The following KCNJ6 variants were observed in gnomAD, a reference collection of about 807,000 sequenced individuals.
The protein encoded by KCNJ6 is potassium inwardly rectifying channel subfamily J member 6.
KCNJ6 carries 9 observed loss-of-function variants against 34.2 expected under a neutral mutation model. The observed-to-expected ratio is 0.26, with a 90% CI of 0.16 to 0.46. The LOEUF is 0.46. KCNJ6 is among the 20% of genes least tolerant of loss of function. KCNJ6 has a pLI of 1.00. For synonymous variants in KCNJ6, 196 were observed against 207.1 expected (o/e 0.95, Z 0.46); for missense variants, 236 against 531.3 (o/e 0.44, Z 5.46).
intron 3 of KCNJ6, among the ~76,000 whole-genome samples, chr21:37,629,189 T>C (rs2054323473): frequency 2.0e-5 from 3 of 152,174 alleles, no homozygotes; most frequent in Admixed American, 6.5e-5. Context: ...TAGGTAAATA[T>C]AAATGTTTTT....
At chr21:37,897,890 T>C (rs900897598) in intron 1 of KCNJ6, among the ~76,000 whole-genome samples, 4 of 152,226 alleles carry the variant, frequency 2.6e-5, no homozygotes, top group African/African-American at 9.6e-5. Context: ...CCCAGTGGGA[T>C]CCAACCCCTA....
At chr21:37,791,314 T>C (rs966416262) in intron 2 of KCNJ6, among the ~76,000 whole-genome samples, 4 of 152,256 alleles carry the variant, frequency 2.6e-5, no homozygotes, top group Non-Finnish European at 4.4e-5. Flanking sequence ...GTCTCTGACC[T>C]GGGGTTTGTG....
At chr21:37,835,498 A>T (rs1345965196) in intron 2 of KCNJ6, among the ~76,000 whole-genome samples, 1 of 152,228 alleles carries the variant, frequency 6.6e-6, no homozygotes, top group Non-Finnish European at 1.5e-5. Context: ...GTCAGCAGAC[A>T]ATGACCATGA....
intron 1 of KCNJ6, among the ~76,000 whole-genome samples, chr21:37,893,139 C>T (rs755339710): frequency 6.6e-6 from 1 of 151,832 alleles, no homozygotes; most frequent in South Asian, 2.1e-4. Flanking sequence ...CAGCCTTGAG[C>T]CACCGCACCC....
intron 3 of KCNJ6, among the ~76,000 whole-genome samples, chr21:37,682,287 C>T (rs2054594093): frequency 6.6e-6 from 1 of 152,204 alleles, no homozygotes; most frequent in Non-Finnish European, 1.5e-5. Context: ...CTTCTTCTGG[C>T]TTCTCAGGGA....
chr21:37,883,468 A>C (rs1488904733), intron 1 of KCNJ6, among the ~76,000 whole-genome samples: 2 of 152,152 alleles, frequency 1.3e-5, no homozygotes, highest in African/African-American at 4.8e-5. Flanking sequence ...ACTAGCATGC[A>C]TGCTTCATGT....
intron 3 of KCNJ6, among the ~76,000 whole-genome samples, chr21:37,639,625 T>A (rs2054372465): frequency 6.6e-6 from 1 of 152,206 alleles, no homozygotes; most frequent in Admixed American, 6.5e-5. Context: ...CTCATTCCCA[T>A]CCTAAACTCC....
chr21:37,827,941 G>A (rs185516879), intron 2 of KCNJ6, among the ~76,000 whole-genome samples: 1 of 152,212 alleles, frequency 6.6e-6, no homozygotes, highest in East Asian at 1.9e-4. Flanking sequence ...GCAGAAACTC[G>A]GACCAGAGGG....
intron 2 of KCNJ6, among the ~76,000 whole-genome samples, chr21:37,784,999 G>A (rs563308527): frequency 1.2e-3 from 180 of 152,294 alleles, no homozygotes; most frequent in African/African-American, 3.9e-3. Context: ...CCCCAGACTC[G>A]TGTCTGCCTG....
At chr21:37,700,944 A>T (rs1184715619) in intron 3 of KCNJ6, among the ~76,000 whole-genome samples, 1 of 152,184 alleles carries the variant, frequency 6.6e-6, no homozygotes, top group Non-Finnish European at 1.5e-5. Flanking sequence ...GGAAGAGCAC[A>T]AGATGACGGC....
chr21:37,637,655 T>A lies in KCNJ6; in HGVS notation c.947-12171A>T, dbSNP rs935931941. On this transcript the variant is annotated intron_variant, in intron 3 of 3. Coordinates refer to ENST00000609713, the MANE Select transcript of KCNJ6 (RefSeq NM_002240.5). ...GATTAAGTAACTTCTCTGGGTCACA[T>A]AGTGCTGTGGATTGAATATCATGCC... is the stretch of plus-strand genomic sequence containing the variant. 5.3e-5 allele frequency among the ~76,000 whole-genome samples: 8 copies of A among 152,308 alleles called. No individual in the cohort carries two copies. The South Asian group carries it at 1.7e-3, about 32-fold the overall frequency.
chr21:37,787,132 G>A (rs1374145118), intron 2 of KCNJ6, among the ~76,000 whole-genome samples: 1 of 152,028 alleles, frequency 6.6e-6, no homozygotes, highest in Non-Finnish European at 1.5e-5. Context: ...TCAGAAAATA[G>A]TTTAAAAAAA....
At chr21:37,710,900 G>A (rs991561614) in intron 3 of KCNJ6, among the ~76,000 whole-genome samples, 3 of 152,216 alleles carry the variant, frequency 2.0e-5, no homozygotes, top group Admixed American at 1.3e-4. Context: ...AGATGTCTGA[G>A]TGGCTGGTGT....
At chr21:37,735,024 T>C (rs922137408) in intron 2 of KCNJ6, among the ~76,000 whole-genome samples, 1 of 152,024 alleles carries the variant, frequency 6.6e-6, no homozygotes, top group African/African-American at 2.4e-5. Context: ...GCCCAGCATG[T>C]CCCCGTTTCC....
intron 2 of KCNJ6, among the ~76,000 whole-genome samples, chr21:37,727,900 A>ACAG (rs1413375053): frequency 6.6e-6 from 1 of 152,162 alleles, no homozygotes; most frequent in Non-Finnish European, 1.5e-5. Flanking sequence ...TCTAGCAACA[A>ACAG]CAACAACAAC....
intron 2 of KCNJ6, among the ~76,000 whole-genome samples, chr21:37,786,032 C>A (rs1389684662): frequency 2.0e-5 from 3 of 152,206 alleles, no homozygotes; most frequent in Admixed American, 1.3e-4. Flanking sequence ...ATCCGTCCCC[C>A]AGTCTAAAAT....
intron 2 of KCNJ6, among the ~76,000 whole-genome samples, chr21:37,733,647 A>C (rs567371674): frequency 6.6e-6 from 1 of 152,218 alleles, no homozygotes; most frequent in African/African-American, 2.4e-5. Context: ...TTTAAAAGAA[A>C]GCTTGATGTG....
intron 1 of KCNJ6, among the ~76,000 whole-genome samples, chr21:37,900,763 T>A (rs2055813051): frequency 6.6e-6 from 1 of 152,154 alleles, no homozygotes; most frequent in Non-Finnish European, 1.5e-5. Flanking sequence ...ATCCATCATG[T>A]TAGAGAAACA....
intron 2 of KCNJ6, among the ~76,000 whole-genome samples, chr21:37,824,330 ACT>A (rs2055388567): frequency 6.6e-6 from 1 of 152,050 alleles, no homozygotes; most frequent in African/African-American, 2.4e-5. Flanking sequence ...CTGAAGTAAA[ACT>A]GTCATTCAGC....
Sources: gnomAD v4.1 joint callset for allele counts (sites outside exome capture counted in the v4.1 genomes callset) on GRCh38, gnomAD v4.1.1 for gene constraint, MANE v1.5 for transcripts, NCBI Gene and HGNC (gene_info 2026-07-23, HGNC 2026-07-21) for gene names.